Variants in RNF145 observed in about 807,000 individuals in gnomAD.
The protein encoded by RNF145 is ring finger protein 145.
In RNF145, 12 loss-of-function variants were observed where a neutral mutation model predicts 57.3. The ratio of observed to expected loss-of-function variants is 0.21; its 90% CI spans 0.13 to 0.34. The LOEUF is 0.34. Among genes scored for constraint, RNF145 ranks in the 10% least tolerant of loss-of-function variants. RNF145 has a pLI of 1.00. For missense variants in RNF145, 429 were observed against 799.0 expected (o/e 0.54, Z 5.58); for synonymous variants, 262 against 288.3 (o/e 0.91, Z 0.92).
In RNF145 at chr5:159,186,462, T is replaced by C. The variant is rs964543398; in HGVS notation, c.294-4411A>G. The stretch of plus-strand genomic sequence containing the variant: ...ACATTCTGGCTATTTACTTAAAGCT[T>C]TCAAACAACGTTAATTCCAAAGAAA... On this transcript the variant is annotated intron_variant, in intron 3 of 10. Transcript: ENST00000424310. Among the ~76,000 whole-genome samples, 5 of 152,302 alleles carry C rather than the reference T, an allele frequency of 3.3e-5. No homozygotes were observed. In the East Asian group the frequency reaches 9.6e-4, roughly 29 times the overall value.
rs1785076136 is a variant in RNF145 at position 159,186,850 on chromosome 5, A to T, written c.294-4799T>A. The stretch of plus-strand genomic sequence containing the variant: ...TTAAGTTTAGAATATAAATGGTAAT[A>T]CTCATTTTAACAATCCAAGCTACTT... On this transcript the variant is annotated intron_variant, in intron 3 of 10. Coordinates refer to ENST00000424310, the MANE Select transcript of RNF145 (RefSeq NM_001199383.2). Among the ~76,000 whole-genome samples, 3 of 152,284 alleles carry T rather than the reference A, an allele frequency of 2.0e-5. No individual in the cohort carries two copies. The South Asian group carries it at 6.2e-4, about 32-fold the overall frequency.
At chr5:159,163,142 C>CA in intron 8 of RNF145, 63 bp from the exon 9 acceptor site, 1 of 1,405,014 alleles carries the variant, frequency 7.1e-7, no homozygotes, top group Non-Finnish European at 9.7e-7. Context: ...CCACTCACAT[C>CA]AGCAGCTAAC....
At chr5:159,175,352 T>A (rs4596367) in intron 5 of RNF145, among the ~76,000 whole-genome samples, 2 of 152,136 alleles carry the variant, frequency 1.3e-5, no homozygotes, top group Admixed American at 6.5e-5. Context: ...TCTTTCCTGG[T>A]CACGCATTTT....
chr5:159,207,887 C>A (rs1004392562), intron 1 of RNF145: 1 of 1,613,510 alleles, frequency 6.2e-7, no homozygotes, highest in African/African-American at 1.3e-5. Flanking sequence ...AAAACTGCTA[C>A]CTCTGCCATC....
chr5:159,161,870 G>C (rs183315606), intron 9 of RNF145, among the ~76,000 whole-genome samples: 1 of 152,160 alleles, frequency 6.6e-6, no homozygotes, highest in Non-Finnish European at 1.5e-5. Flanking sequence ...ACCGTCAGAC[G>C]TGACTTTCCT....
At chr5:159,204,016 T>C (rs1471815501) in intron 1 of RNF145, among the ~76,000 whole-genome samples, 5 of 152,250 alleles carry the variant, frequency 3.3e-5, no homozygotes, top group Admixed American at 6.5e-5. Context: ...CTATGATTTA[T>C]GTAGCTCATA....
At position 159,173,979 on chromosome 5, in the gene RNF145, T is replaced by C. The variant is rs1278640707; in HGVS notation, c.797+4A>G. The C allele has an allele frequency of 5.6e-6, 9 of 1,598,368 alleles. No homozygotes were observed. The highest frequency in any genetic ancestry group is 1.1e-5 in the South Asian group (1 of 88,270). The stretch of plus-strand genomic sequence containing the variant: ...ATATAGTATCATAGGCTCTTATTAA[T>C]TACCTTGTCAGAAAAAGGAAAAGAA... On this transcript the variant is annotated splice_donor_region_variant and intron_variant, in intron 6 of 10. Transcript: ENST00000424310.
intron 2 of RNF145, among the ~76,000 whole-genome samples, chr5:159,202,768 A>C (rs1785713718): frequency 6.6e-6 from 1 of 152,182 alleles, no homozygotes; most frequent in African/African-American, 2.4e-5. Context: ...AAACCTAAAA[A>C]GTAAGGATCA....
intron 3 of RNF145, among the ~76,000 whole-genome samples, chr5:159,187,600 T>A (rs1785118879): frequency 6.6e-6 from 1 of 152,136 alleles, no homozygotes; most frequent in African/African-American, 2.4e-5. Context: ...GTGCTGGGAC[T>A]ACAGGCGTGT....
chr5:159,173,271 C>T (rs1784613367), intron 6 of RNF145, among the ~76,000 whole-genome samples: 2 of 151,942 alleles, frequency 1.3e-5, no homozygotes, highest in African/African-American at 4.8e-5. Context: ...CATCAGCTAT[C>T]GTTAGTGCTA....
At position 159,194,802 on chromosome 5, in the gene RNF145, C is replaced by T. The variant is rs777715766; in HGVS notation, c.207G>A (p.Leu69=). ...CCAGATGCTGCCTGGGCAATGTTAG[C>T]AGCACCACACTTAAGATATAACCTG... is the stretch of plus-strand genomic sequence containing the variant. ...HYVGYILSVV[L]LTLPRQHLVQ... Residue 69 remains leucine (L), a synonymous_variant, in exon 3 of 11, where the codon CTG becomes CTA. Coordinates refer to ENST00000424310, the MANE Select transcript of RNF145 (RefSeq NM_001199383.2). The T allele has an allele frequency of 4.3e-6, 7 of 1,611,688 alleles. No individual in the cohort carries two copies. The South Asian group carries it at 6.6e-5, about 15-fold the overall frequency.
At chr5:159,165,435 C>A (rs1468396093) in intron 8 of RNF145, among the ~76,000 whole-genome samples, 2 of 107,650 alleles carry the variant, frequency 1.9e-5, no homozygotes, top group Admixed American at 9.5e-5. Flanking sequence ...GTAATCCCAG[C>A]ACTTTGGGAG....
chr5:159,197,079 A>T (rs906024512), intron 2 of RNF145, among the ~76,000 whole-genome samples: 1 of 152,240 alleles, frequency 6.6e-6, no homozygotes, highest in Non-Finnish European at 1.5e-5. Context: ...GTGAAAAGAT[A>T]AGCATGGACA....
upstream of RNF145, chr5:159,210,041 T>A: frequency 1.5e-6 from 1 of 678,052 alleles, no homozygotes; most frequent in Non-Finnish European, 2.6e-6. Flanking sequence ...AGTAAGTGAC[T>A]GGATGAATGA....
At chr5:159,186,456 A>G (rs1018548759) in intron 3 of RNF145, among the ~76,000 whole-genome samples, 1 of 152,250 alleles carries the variant, frequency 6.6e-6, no homozygotes, top group Non-Finnish European at 1.5e-5. Flanking sequence ...CTATTTACTT[A>G]AAGCTTTCAA....
chr5:159,159,872 A>C (rs1424985073), intron 10 of RNF145, among the ~76,000 whole-genome samples: 1 of 152,224 alleles, frequency 6.6e-6, no homozygotes, highest in Non-Finnish European at 1.5e-5. Flanking sequence ...TCAAGTCCCA[A>C]AACAAGCAGG....
At chr5:159,180,996 GGCGACGGAT>G (rs1448339066) in intron 4 of RNF145, among the ~76,000 whole-genome samples, 1 of 152,060 alleles carries the variant, frequency 6.6e-6, no homozygotes, top group African/African-American at 2.4e-5. Flanking sequence ...ACACTCCTCA[GGCGACGGAT>G]GCACCAAAAT....
chr5:159,157,697 C>T lies in RNF145; in HGVS notation c.*973G>A, dbSNP rs1260148670. 6.5e-6 allele frequency: 1 copy of T among 152,706 alleles called. No individual in the cohort carries two copies. Among genetic ancestry groups the T allele is most frequent in the East Asian group, 1.9e-4 (1 of 5,338 alleles). 9.5% of individuals were successfully genotyped at this position (152,706 alleles called of 1,614,324 possible). A position where few individuals can be genotyped will look rare whatever the true frequency, so the allele number is the denominator to read the frequency against. On this transcript the variant is annotated 3_prime_UTR_variant, in exon 11 of 11. Transcript: ENST00000424310. ...AAAGAAAAGGTGCAAAGTCTATTAA[C>T]AGCTTTAAAAGTGGCATTTGCAGAG...
At chr5:159,172,837 G>A (rs1323424445) in intron 6 of RNF145, among the ~76,000 whole-genome samples, 3 of 152,154 alleles carry the variant, frequency 2.0e-5, no homozygotes, top group Non-Finnish European at 4.4e-5. Context: ...CATATTGGAT[G>A]GCTGAGAAAC....
Sources: gnomAD v4.1 joint callset for allele counts (sites outside exome capture counted in the v4.1 genomes callset) on GRCh38, gnomAD v4.1.1 for gene constraint, MANE v1.5 for transcripts, NCBI Gene and HGNC (gene_info 2026-07-23, HGNC 2026-07-21) for gene names.